Variants in JPH3 observed in about 807,000 individuals in gnomAD.
JPH3 encodes junctophilin-3.
Under a neutral mutation model 59.6 loss-of-function variants are expected in JPH3, and 11 were observed. The observed-to-expected ratio is 0.18, with a 90% CI of 0.12 to 0.31. JPH3 has a LOEUF of 0.31. Among genes scored for constraint, JPH3 ranks in the 10% least tolerant of loss-of-function variants. The probability of loss-of-function intolerance (pLI) is 1.00; values close to 1 mark genes in which losing one functional copy is unlikely to be tolerated. For synonymous variants in JPH3, 673 were observed against 483.6 expected (o/e 1.39, Z -5.14); for missense variants, 1,202 against 1,105.7 (o/e 1.09, Z -1.24).
At chr16:87,679,379 A>T (rs2150871691) in intron 2 of JPH3, among the ~76,000 whole-genome samples, 1 of 152,322 alleles carries the variant, frequency 6.6e-6, no homozygotes, top group Admixed American at 6.5e-5. Flanking sequence ...TCCTGTCTTT[A>T]ACAACCCAGC....
intron 2 of JPH3, among the ~76,000 whole-genome samples, chr16:87,671,955 G>A (rs180821555): frequency 1.4e-4 from 22 of 152,152 alleles, no homozygotes; most frequent in Non-Finnish European, 1.9e-4. Context: ...CTTCGTCTGT[G>A]GGGGGTGGCC....
chr16:87,618,341 G>A (rs2031049784), intron 1 of JPH3, among the ~76,000 whole-genome samples: 1 of 152,160 alleles, frequency 6.6e-6, no homozygotes, highest in Admixed American at 6.5e-5. Flanking sequence ...CAGCAGCTGG[G>A]GGAGGAGGGC....
At chr16:87,659,478 C>G (rs1255166591) in intron 2 of JPH3, among the ~76,000 whole-genome samples, 1 of 151,274 alleles carries the variant, frequency 6.6e-6, no homozygotes, top group Non-Finnish European at 1.5e-5. Context: ...AATCCCAGCA[C>G]TGGGAGGTTG....
intron 2 of JPH3, among the ~76,000 whole-genome samples, chr16:87,682,341 G>A (rs1318834600): frequency 1.3e-5 from 2 of 152,200 alleles, no homozygotes. Context: ...TGACAGGTAT[G>A]GCAGAGATGG....
chr16:87,662,127 C>T (rs2032723909), intron 2 of JPH3, among the ~76,000 whole-genome samples: 1 of 152,242 alleles, frequency 6.6e-6, no homozygotes, highest in Non-Finnish European at 1.5e-5. Context: ...CAAGAGGGAT[C>T]CGTAGGCCTC....
chr16:87,664,292 C>G (rs1261882160), intron 2 of JPH3, among the ~76,000 whole-genome samples: 3 of 122,710 alleles, frequency 2.4e-5, no homozygotes, highest in South Asian at 6.3e-4. Context: ...GATTGCGCCA[C>G]TGCACCTCCA....
intron 2 of JPH3, among the ~76,000 whole-genome samples, chr16:87,666,112 C>T (rs1180742879): frequency 6.8e-6 from 1 of 147,482 alleles, no homozygotes; most frequent in Non-Finnish European, 1.5e-5. Context: ...TTTTTTGAGA[C>T]AGAGTTTCGC....
In JPH3 at chr16:87,644,724, C is replaced by T. The variant is rs766095139; in HGVS notation, c.849C>T (p.Thr283=). 1.2e-5 allele frequency: 20 copies of T among 1,604,230 alleles called. No homozygotes were observed. The highest frequency in any genetic ancestry group is 1.4e-5 in the African/African-American group (1 of 72,382). Residue 283 remains threonine, a synonymous_variant, in exon 2 of 5, where the codon ACC becomes ACT. Transcript: ENST00000284262. ...LAVIEDDIDA[T]TTETYVGEWK... is the part of the protein sequence containing the mutation. ...TCATCGAGGACGACATCGACGCCAC[C>T]ACCACCGAGACCTACGTGGGCGAGT...
intron 1 of JPH3, among the ~76,000 whole-genome samples, chr16:87,627,681 A>C (rs2031427399): frequency 6.6e-6 from 1 of 152,144 alleles, no homozygotes; most frequent in Non-Finnish European, 1.5e-5. Flanking sequence ...CCCATCTTAC[A>C]GTATGGGGAA....
chr16:87,681,660 G>A (rs1031603013), intron 2 of JPH3, among the ~76,000 whole-genome samples: 8 of 151,030 alleles, frequency 5.3e-5, no homozygotes, highest in Non-Finnish European at 8.9e-5. Context: ...GGTCAGGTGC[G>A]CGCGGTGGTG....
chr16:87,680,390 C>G (rs1190933192), intron 2 of JPH3, among the ~76,000 whole-genome samples: 2 of 152,214 alleles, frequency 1.3e-5, no homozygotes, highest in Non-Finnish European at 2.9e-5. Flanking sequence ...CAGAAGGAAG[C>G]GGAGCCCTGG....
intron 2 of JPH3, among the ~76,000 whole-genome samples, chr16:87,670,067 AC>A (rs1313316894): frequency 6.6e-6 from 1 of 152,084 alleles, no homozygotes; most frequent in African/African-American, 2.4e-5. Context: ...TGGGGATTCC[AC>A]GGTGCCCTTG....
Position 87,696,870 on chromosome 16 carries a change from G to A in JPH3, c.*210G>A, listed in dbSNP as rs965618898. 2.8e-5 allele frequency: 16 copies of A among 568,282 alleles called. No individual in the cohort carries two copies. The highest frequency in any genetic ancestry group is 5.1e-5 in the Non-Finnish European group (16 of 315,260). The allele number at this position is 568,282 out of a possible 1,614,324, so 35.2% of individuals were successfully genotyped here. A position where few individuals can be genotyped will look rare whatever the true frequency, so the allele number is the denominator to read the frequency against. ...GGATTTTAGCCAAAATTCTTTGCTT[G>A]TATAACACTCTGCTGTGTGGCATGG... On this transcript the variant is annotated 3_prime_UTR_variant, in exon 5 of 5. Coordinates refer to ENST00000284262, the MANE Select transcript of JPH3 (RefSeq NM_020655.4).
chr16:87,619,721 C>T (rs949216443), intron 1 of JPH3, among the ~76,000 whole-genome samples: 11 of 152,266 alleles, frequency 7.2e-5, no homozygotes, highest in African/African-American at 2.6e-4. Context: ...TACTGAGCGC[C>T]GACTGTGTGC....
chr16:87,688,392 C>G (rs1156286882), intron 3 of JPH3, among the ~76,000 whole-genome samples: 1 of 152,220 alleles, frequency 6.6e-6, no homozygotes, highest in Non-Finnish European at 1.5e-5. Flanking sequence ...TTGCTAACGT[C>G]TCTTTACAAA....
At chr16:87,685,106 C>T (rs865814233) in intron 3 of JPH3, among the ~76,000 whole-genome samples, 10 of 152,328 alleles carry the variant, frequency 6.6e-5, no homozygotes, top group South Asian at 2.1e-4. Flanking sequence ...CCACTCTGGC[C>T]ACCAGGACAG....
chr16:87,668,958 C>T (rs1331149368), intron 2 of JPH3, among the ~76,000 whole-genome samples: 1 of 152,150 alleles, frequency 6.6e-6, no homozygotes, highest in East Asian at 1.9e-4. Context: ...GGTAGCTGCA[C>T]ACGCATTACA....
At chr16:87,666,273 G>A (rs2032858009) in intron 2 of JPH3, among the ~76,000 whole-genome samples, 1 of 151,936 alleles carries the variant, frequency 6.6e-6, no homozygotes, top group African/African-American at 2.4e-5. Context: ...ATTTTTAGTA[G>A]AGACAGGGTT....
At chr16:87,647,441 TG>T (rs2032189334) in intron 2 of JPH3, among the ~76,000 whole-genome samples, 1 of 152,070 alleles carries the variant, frequency 6.6e-6, no homozygotes, top group Non-Finnish European at 1.5e-5. Context: ...CTGGTGCAGC[TG>T]TGAAACTGAC....
Sources: allele counts gnomAD v4.1 joint callset (sites outside exome capture counted in the v4.1 genomes callset), GRCh38; gene constraint gnomAD v4.1.1; transcripts MANE v1.5; gene names NCBI Gene and HGNC (gene_info 2026-07-23, HGNC 2026-07-21).